Variants in KIF6 observed in about 807,000 individuals in gnomAD.
KIF6 encodes kinesin family member 6, also known as kinesin-like protein KIF6.
KIF6 carries 106 observed loss-of-function variants against 112.7 expected under a neutral mutation model. The ratio of observed to expected loss-of-function variants is 0.94; its 90% CI spans 0.80 to 1.11. The LOEUF is 1.11. KIF6 is among the 50% of genes least tolerant of loss of function. The pLI is 0.00. For missense variants in KIF6, 929 were observed against 964.0 expected (o/e 0.96, Z 0.48); for synonymous variants, 339 against 339.9 (o/e 1.00, Z 0.03).
rs1278011303 is a variant in KIF6 at position 39,447,718 on chromosome 6, C to A, written c.1646-16557G>T. Among the ~76,000 whole-genome samples, 8 of 152,248 alleles carry A rather than the reference C, an allele frequency of 5.3e-5. No homozygotes were observed. In the East Asian group the frequency reaches 1.5e-3, roughly 29 times the overall value. ...TAACCTTCCAGCTATCTTTCAATTTCTTTGGTCCCTTTTCTTGGAAATGCT... is the reference window on the plus strand; with the variant it reads ...TAACCTTCCAGCTATCTTTCAATTTATTTGGTCCCTTTTCTTGGAAATGCT... On this transcript the variant is annotated intron_variant, in intron 13 of 22. Coordinates refer to ENST00000287152, the MANE Select transcript of KIF6 (RefSeq NM_145027.6).
chr6:39,625,034 A>G (rs562312550), intron 5 of KIF6, among the ~76,000 whole-genome samples: 1 of 132,094 alleles, frequency 7.6e-6, no homozygotes, highest in South Asian at 2.6e-4. Flanking sequence ...TTATAAGAAG[A>G]GCTCTCTCTC....
chr6:39,586,155 C>T (rs1781616534), intron 8 of KIF6, 106 bp downstream of exon 8: 1 of 1,087,740 alleles, frequency 9.2e-7, no homozygotes, highest in Admixed American at 1.9e-5. Flanking sequence ...CCTCTGAAGG[C>T]ATACCCAGCT....
At chr6:39,488,578 G>A (rs1200347416) in intron 13 of KIF6, among the ~76,000 whole-genome samples, 2 of 152,112 alleles carry the variant, frequency 1.3e-5, no homozygotes, top group South Asian at 4.1e-4. Context: ...TTACTAGATG[G>A]TGGGAACTAA....
chr6:39,383,817 C>G (rs1441688410), intron 16 of KIF6, among the ~76,000 whole-genome samples: 2 of 152,142 alleles, frequency 1.3e-5, no homozygotes, highest in Non-Finnish European at 2.9e-5. Flanking sequence ...TTTGTGTTGT[C>G]TATGATTTCT....
intron 3 of KIF6, among the ~76,000 whole-genome samples, chr6:39,663,515 G>T (rs990357716): frequency 1.3e-5 from 2 of 152,124 alleles, no homozygotes; most frequent in Admixed American, 1.3e-4. Flanking sequence ...GGTGGGAACT[G>T]GGAAAGGTCA....
At chr6:39,336,641 A>C (rs961044206) in intron 22 of KIF6, 93 bp from the exon 23 acceptor site, 26 of 1,125,818 alleles carry the variant, frequency 2.3e-5, no homozygotes, top group Non-Finnish European at 3.4e-5. Context: ...GCCACCAGCC[A>C]CTCCCCCTGG....
intron 22 of KIF6, among the ~76,000 whole-genome samples, chr6:39,336,970 TTCTC>T (rs57974533): frequency 0.02 from 3,051 of 149,986 alleles, 97 homozygotes; most frequent in African/African-American, 0.071. Context: ...CTTTCATTCT[TTCTC>T]TCTTTCTCTC....
intron 3 of KIF6, among the ~76,000 whole-genome samples, chr6:39,707,158 C>G (rs1276816464): frequency 6.6e-6 from 1 of 152,156 alleles, no homozygotes; most frequent in African/African-American, 2.4e-5. Context: ...ATCACCACTG[C>G]CATCAAAATA....
chr6:39,715,376 TG>T (rs1789777174), intron 2 of KIF6, among the ~76,000 whole-genome samples: 2 of 152,158 alleles, frequency 1.3e-5, no homozygotes, highest in Non-Finnish European at 2.9e-5. Flanking sequence ...TTAATCAGAT[TG>T]GCAATGGCTT....
At chr6:39,501,272 A>G (rs1187191599) in intron 13 of KIF6, among the ~76,000 whole-genome samples, 1 of 123,090 alleles carries the variant, frequency 8.1e-6, no homozygotes, top group Non-Finnish European at 1.8e-5. Context: ...GTTAAAAGAA[A>G]AACAAACAAA....
At chr6:39,473,202 A>G (rs1407319905) in intron 13 of KIF6, among the ~76,000 whole-genome samples, 1 of 152,024 alleles carries the variant, frequency 6.6e-6, no homozygotes, top group Admixed American at 6.6e-5. Context: ...AAAGGTGCAC[A>G]TTTTTCAATC....
In KIF6 at chr6:39,378,962, T is replaced by C. The variant is rs1369184771; in HGVS notation, c.1861+6660A>G. ...ATGCTTTAATGTCAGGCCTCTAGCT[T>C]TTATAGAGGGTCGATACAAGAATCA... On this transcript the variant is annotated intron_variant, in intron 16 of 22. Coordinates refer to ENST00000287152, the MANE Select transcript of KIF6 (RefSeq NM_145027.6). The surrounding 1 kb of genome is among the most constrained non-coding windows in gnomAD (Gnocchi z 5.0). 1.3e-5 allele frequency among the ~76,000 whole-genome samples: 2 copies of C among 152,136 alleles called. No individual in the cohort carries two copies. Among genetic ancestry groups the C allele is most frequent in the East Asian group, 3.9e-4 (2 of 5,188 alleles).
Position 39,545,662 on chromosome 6 carries a change from A to G in KIF6, c.1208T>C (p.Leu403Ser). 1.2e-6 allele frequency: 2 copies of G among 1,612,262 alleles called. No individual in the cohort carries two copies. Among genetic ancestry groups the G allele is most frequent in the East Asian group, 2.2e-5 (1 of 44,838 alleles). ...TCTACTGTCTGAATCCTGGTCTTCC[A>G]AAAAGGATGTTATTAGTTTTTCCAG... ...LQLEKLITSF[L>S]EDQDSDSRLE... Residue 403 changes from leucine to serine, a missense_variant, in exon 11 of 23, where the codon TTG becomes TCG. Physicochemically the swap from Leu to Ser is moderately radical, Grantham distance 145. Around this residue, in one of 2 missense-constraint regions of KIF6, gnomAD observed 688 missense variants for 662.7 expected, o/e 1.04. Transcript: ENST00000287152.
intron 3 of KIF6, among the ~76,000 whole-genome samples, chr6:39,651,443 TG>T (rs1279975607): frequency 6.6e-6 from 1 of 151,990 alleles, no homozygotes; most frequent in Non-Finnish European, 1.5e-5. Flanking sequence ...GTCAGTGTGG[TG>T]GGTGCTGAGA....
chr6:39,344,205 G>A (rs1763539761), intron 21 of KIF6, among the ~76,000 whole-genome samples: 1 of 152,164 alleles, frequency 6.6e-6, no homozygotes, highest in African/African-American at 2.4e-5. Flanking sequence ...TTTCATACGA[G>A]GTTTCCCCTC....
At position 39,725,130 on chromosome 6, in the gene KIF6, G is replaced by C. The variant is rs569614426; in HGVS notation, c.66+115C>G. ...GTCAGTGTGTGCGGGATTCCGGGCG[G>C]CCTCGGCGCCCACCAGCAAGCCCCT... On this transcript the variant is annotated intron_variant, in intron 1 of 22. Transcript: ENST00000287152. 56 of 768,108 alleles carry C rather than the reference G, an allele frequency of 7.3e-5. No individual in the cohort carries two copies. The South Asian group carries it at 1.1e-3, about 15-fold the overall frequency. 47.6% of individuals were successfully genotyped at this position (768,108 alleles called of 1,614,324 possible). A position where few individuals can be genotyped will look rare whatever the true frequency, so the allele number is the denominator to read the frequency against.
At chr6:39,606,104 C>G (rs189807445) in intron 6 of KIF6, among the ~76,000 whole-genome samples, 3 of 151,824 alleles carry the variant, frequency 2.0e-5, no homozygotes, top group Non-Finnish European at 4.4e-5. Context: ...TTTTCAGTCA[C>G]GTTTCTTCCT....
chr6:39,378,892 G>A lies in KIF6; in HGVS notation c.1861+6730C>T, dbSNP rs778832932. On this transcript the variant is annotated intron_variant, in intron 16 of 22. Transcript: ENST00000287152. This position sits in a 1 kb window ranked among gnomAD's most constrained non-coding sequence, Gnocchi z 5.0. ...GTGGCCATCAGAAAGCTGAGTACCC[G>A]GATCCTATTATCTTGGCCGCTCACA... is the stretch of plus-strand genomic sequence containing the variant. 8.5e-5 allele frequency among the ~76,000 whole-genome samples: 13 copies of A among 152,242 alleles called. No homozygotes were observed. The highest frequency in any genetic ancestry group is 3.4e-3 in the Middle Eastern group (1 of 294).
chr6:39,541,886 A>G (rs1344040476), intron 12 of KIF6, among the ~76,000 whole-genome samples: 1 of 152,178 alleles, frequency 6.6e-6, no homozygotes, highest in Non-Finnish European at 1.5e-5. Flanking sequence ...GTGGCTCCCA[A>G]TGCTACAGTC....
Sources: allele counts gnomAD v4.1 joint callset (sites outside exome capture counted in the v4.1 genomes callset), GRCh38; gene constraint gnomAD v4.1.1; regional missense constraint gnomAD v4.1.1; non-coding constraint Gnocchi (gnomAD v3.1); transcripts MANE v1.5; gene names NCBI Gene and HGNC (gene_info 2026-07-23, HGNC 2026-07-21).